PITPNM3: variants seen among roughly 807,000 people sequenced by gnomAD.
The protein encoded by PITPNM3 is PITPNM family member 3.
Under a neutral mutation model 102.0 loss-of-function variants are expected in PITPNM3, and 26 were observed. The ratio of observed to expected loss-of-function variants is 0.25; its 90% CI spans 0.19 to 0.35. The LOEUF is 0.35. PITPNM3 is among the 10% of genes least tolerant of loss of function. PITPNM3 has a pLI of 1.00. For synonymous variants in PITPNM3, 578 were observed against 558.6 expected (o/e 1.03, Z -0.49); for missense variants, 1,083 against 1,346.1 (o/e 0.80, Z 3.06).
chr17:6,485,115 C>A lies in PITPNM3; in HGVS notation c.275-823G>T, dbSNP rs141467562. 3.0e-4 allele frequency among the ~76,000 whole-genome samples: 46 copies of A among 152,134 alleles called. No homozygotes were observed. In the East Asian group the frequency reaches 6.2e-3, roughly 20 times the overall value. On this transcript the variant is annotated intron_variant, in intron 4 of 19. Transcript: ENST00000262483. ...CAGCCTCCATCATCACGAAACCATG[C>A]ACGAAAGCCAGTCCCTCATAATAAG...
chr17:6,504,514 G>A (rs1907372595), intron 3 of PITPNM3, among the ~76,000 whole-genome samples: 1 of 152,184 alleles, frequency 6.6e-6, no homozygotes, highest in African/African-American at 2.4e-5. Flanking sequence ...TGGCCCCCGG[G>A]CTCTCTCAAA....
chr17:6,511,977 C>A (rs1907891431), intron 3 of PITPNM3, among the ~76,000 whole-genome samples: 1 of 152,126 alleles, frequency 6.6e-6, no homozygotes, highest in Non-Finnish European at 1.5e-5. Context: ...GTGATGGAGG[C>A]AGCACAGAAG....
intron 1 of PITPNM3, among the ~76,000 whole-genome samples, chr17:6,541,719 G>A (rs1407127899): frequency 2.6e-5 from 4 of 152,074 alleles, no homozygotes; most frequent in Admixed American, 6.6e-5. Context: ...TGGGCATGAC[G>A]ACCCCAGAAC....
chr17:6,508,247 C>G (rs73978306), intron 3 of PITPNM3, among the ~76,000 whole-genome samples: 11,862 of 152,264 alleles, frequency 0.078, 1,351 homozygotes, highest in African/African-American at 0.25. Context: ...CAAAGCCAGC[C>G]CTGAGTGCGG....
intron 6 of PITPNM3, chr17:6,479,725 AC>A (rs1430922251): frequency 6.6e-6 from 1 of 152,300 alleles, no homozygotes; most frequent in Admixed American, 6.5e-5. Context: ...CTCGTGGTGT[AC>A]AAGGCTGGCC....
chr17:6,474,513 C>T lies in PITPNM3; in HGVS notation c.1177G>A (p.Asp393Asn), dbSNP rs143807935. Reference protein sequence around the residue: ...PEVSLGRFDFDVSDFFLFGSP... With the variant: ...PEVSLGRFDFNVSDFFLFGSP... ...CCGAAGAGGAAGAAGTCGGACACAT[C>T]GAAGTCAAAGCGGCCCAGGCTGACC... is the stretch of plus-strand genomic sequence containing the variant. The change falls in exon 10 of 20, where the codon GAT (aspartate) becomes AAT (asparagine). Residue 393 changes from aspartate to asparagine, a missense_variant. By Grantham distance (23) the Asp-to-Asn change is conservative. Coordinates refer to ENST00000262483, the MANE Select transcript of PITPNM3 (RefSeq NM_031220.4). The T allele has an allele frequency of 1.8e-5, 29 of 1,613,180 alleles. No homozygotes were observed. In the East Asian group the frequency reaches 3.1e-4, roughly 17 times the overall value.
intron 18 of PITPNM3, 129 bp downstream of exon 18, chr17:6,461,244 G>A: frequency 8.6e-7 from 1 of 1,164,806 alleles, no homozygotes. Flanking sequence ...GGCCCATCCA[G>A]ATCCACGGGA....
chr17:6,486,367 G>A (rs1906094046), intron 4 of PITPNM3, among the ~76,000 whole-genome samples: 1 of 152,100 alleles, frequency 6.6e-6, no homozygotes, highest in Admixed American at 6.5e-5. Context: ...AGTCACATCT[G>A]GGGAGGGTCC....
intron 3 of PITPNM3, among the ~76,000 whole-genome samples, chr17:6,521,623 AAT>A: frequency 6.6e-6 from 1 of 151,150 alleles, no homozygotes; most frequent in Middle Eastern, 3.4e-3. Context: ...ATTAAAAAAA[AAT>A]ATATATATAT....
chr17:6,525,709 C>T (rs929946441), intron 2 of PITPNM3, among the ~76,000 whole-genome samples: 3 of 152,176 alleles, frequency 2.0e-5, no homozygotes, highest in Admixed American at 2.0e-4. Context: ...AACAAAAAGC[C>T]TGAAACCCCA....
Position 6,472,632 on chromosome 17 carries a change from C to T in PITPNM3, c.1429+25G>A, listed in dbSNP as rs757064850. The T allele has an allele frequency of 4.4e-6, 7 of 1,606,638 alleles. No individual in the cohort carries two copies. In the African/African-American group the frequency reaches 8.0e-5, roughly 18 times the overall value. ...GGGGCCCCACCTCCAGCTCAGCACA[C>T]TCTCTCCCACCCCCAAGAACCTACC... On this transcript the variant is annotated intron_variant, in intron 11 of 19. Coordinates refer to ENST00000262483, the MANE Select transcript of PITPNM3 (RefSeq NM_031220.4). The surrounding 1 kb of genome is among the most constrained non-coding windows in gnomAD (Gnocchi z 4.1).
Position 6,551,894 on chromosome 17 carries a change from AG to A in PITPNM3, c.22+4490del, listed in dbSNP as rs1342737776. On this transcript the variant is annotated intron_variant, in intron 1 of 19. Coordinates refer to ENST00000262483, the MANE Select transcript of PITPNM3 (RefSeq NM_031220.4). Reference sequence around the variant, plus strand: ...GATGTGAGAGCACACGCCCCACTCCAGGAGGACCCCAAAGGAGGCTGACTCA... The same window carrying A: ...GATGTGAGAGCACACGCCCCACTCCAGAGGACCCCAAAGGAGGCTGACTCA... Among the ~76,000 whole-genome samples the A allele has an allele frequency of 2.0e-5, 3 of 152,242 alleles. No individual in the cohort carries two copies. The East Asian group carries it at 5.8e-4, about 29-fold the overall frequency.
Position 6,556,332 on chromosome 17 carries a change from G to A in PITPNM3, c.22+53C>T. On this transcript the variant is annotated intron_variant, in intron 1 of 19. Coordinates refer to ENST00000262483, the MANE Select transcript of PITPNM3 (RefSeq NM_031220.4). The surrounding 1 kb of genome is among the most constrained non-coding windows in gnomAD (Gnocchi z 5.2). ...TGGGCCGGCGGCCCCTCCTCTAGAC[G>A]CGCGAGTCCCTCCCCCGGGCCCCGG... 7.2e-7 allele frequency: 1 copy of A among 1,383,030 alleles called. No individual in the cohort carries two copies. The allele number at this position is 1,383,030 out of a possible 1,614,324, so 85.7% of individuals were successfully genotyped here. A position where few individuals can be genotyped will look rare whatever the true frequency, so the allele number is the denominator to read the frequency against.
chr17:6,466,423 C>T (rs1382223279), intron 14 of PITPNM3, among the ~76,000 whole-genome samples: 4 of 152,142 alleles, frequency 2.6e-5, no homozygotes, highest in Admixed American at 1.3e-4. Context: ...AAGTAGGGAA[C>T]GCAGGCCCCC....
At chr17:6,544,621 T>A (rs1193329265) in intron 1 of PITPNM3, among the ~76,000 whole-genome samples, 1 of 127,476 alleles carries the variant, frequency 7.8e-6, no homozygotes, top group Admixed American at 8.6e-5. Flanking sequence ...CTCATTTGAA[T>A]GGTGTCTCTC....
chr17:6,512,066 G>T (rs901185768), intron 3 of PITPNM3, among the ~76,000 whole-genome samples: 1 of 152,222 alleles, frequency 6.6e-6, no homozygotes, highest in Non-Finnish European at 1.5e-5. Flanking sequence ...CATAGCAGAG[G>T]AGCCAGGTGT....
intron 5 of PITPNM3, 41 bp downstream of exon 5, chr17:6,484,175 C>T: frequency 2.0e-6 from 3 of 1,535,832 alleles, no homozygotes; most frequent in Non-Finnish European, 1.8e-6. Context: ...AAAATCCTGG[C>T]CTCTGAGTTG....
Position 6,472,648 on chromosome 17 carries a change from A to G in PITPNM3, c.1429+9T>C, listed in dbSNP as rs1905122804. On this transcript the variant is annotated intron_variant, in intron 11 of 19. Coordinates refer to ENST00000262483, the MANE Select transcript of PITPNM3 (RefSeq NM_031220.4). This position sits in a 1 kb window ranked among gnomAD's most constrained non-coding sequence, Gnocchi z 4.1. ...CTCAGCACACTCTCTCCCACCCCCA[A>G]GAACCTACCGAGGAGGAGGGACTGC... The G allele has an allele frequency of 6.2e-7, 1 of 1,611,244 alleles. No homozygotes were observed. The highest frequency in any genetic ancestry group is 8.5e-7 in the Non-Finnish European group (1 of 1,179,274).
chr17:6,520,079 G>A (rs1398050086), intron 3 of PITPNM3, among the ~76,000 whole-genome samples: 1 of 152,124 alleles, frequency 6.6e-6, no homozygotes, highest in Non-Finnish European at 1.5e-5. Context: ...TCAGAGGAAA[G>A]AAAATATGAT....
Sources: gnomAD v4.1 joint callset for allele counts (sites outside exome capture counted in the v4.1 genomes callset) on GRCh38, gnomAD v4.1.1 for gene constraint, Gnocchi (gnomAD v3.1) non-coding constraint, MANE v1.5 for transcripts, NCBI Gene and HGNC (gene_info 2026-07-23, HGNC 2026-07-21) for gene names.